SGCD: variants seen among roughly 807,000 people sequenced by gnomAD.
SGCD encodes the protein delta-sarcoglycan.
In SGCD, 18 loss-of-function variants were observed where a neutral mutation model predicts 36.6. That is an observed-to-expected ratio of 0.49 (90% CI 0.34 to 0.73). The LOEUF (loss-of-function observed/expected upper bound fraction) is 0.73, where lower values mean the gene tolerates loss of function less well. SGCD is among the 30% of genes least tolerant of loss of function. The pLI, the probability that SGCD is intolerant of heterozygous loss-of-function variation, is 0.01. For missense variants in SGCD, 387 were observed against 346.7 expected (o/e 1.12, Z -0.92); for synonymous variants, 133 against 130.6 (o/e 1.02, Z -0.12).
the SGCD span, among the ~76,000 whole-genome samples, chr5:155,731,390 G>A: frequency 6.6e-6 from 1 of 151,730 alleles, no homozygotes; most frequent in Non-Finnish European, 1.5e-5. Flanking sequence ...GGAAAGAGAG[G>A]TGCCCTGAAG....
At chr5:156,337,693 A>G (rs1768430620) in intron 2 of SGCD, among the ~76,000 whole-genome samples, 1 of 152,138 alleles carries the variant, frequency 6.6e-6, no homozygotes, top group Non-Finnish European at 1.5e-5. Context: ...TAGGGGTTTC[A>G]TTATTGTCCA....
intron 2 of SGCD, 93 bp downstream of exon 2, chr5:156,329,672 A>G: frequency 8.9e-7 from 1 of 1,120,572 alleles, no homozygotes; most frequent in Non-Finnish European, 1.3e-6. Flanking sequence ...ACAAAGTGTT[A>G]TATATGCCTT....
At chr5:155,755,819 T>C in the SGCD span, among the ~76,000 whole-genome samples, 2 of 152,304 alleles carry the variant, frequency 1.3e-5, no homozygotes, top group East Asian at 3.9e-4. Flanking sequence ...TGTTAATGTT[T>C]ATGGTCCTGT....
At chr5:155,895,213 T>G (rs1166484210) in intron 1 of SGCD, among the ~76,000 whole-genome samples, 3 of 152,234 alleles carry the variant, frequency 2.0e-5, no homozygotes, top group Non-Finnish European at 4.4e-5. Context: ...GAAATCGTAC[T>G]TTCCACAAGT....
At chr5:156,009,318 G>A (rs147520301) in intron 1 of SGCD, among the ~76,000 whole-genome samples, 69 of 152,220 alleles carry the variant, frequency 4.5e-4, no homozygotes, top group Non-Finnish European at 9.0e-4. Flanking sequence ...CCGTGTCCCC[G>A]CCCCTTAATT....
Position 156,759,638 on chromosome 5 carries a change from C to T in SGCD, c.*248C>T, listed in dbSNP as rs1757462986. 1 of 154,186 alleles carries T rather than the reference C, an allele frequency of 6.5e-6. No individual in the cohort carries two copies. The highest frequency in any genetic ancestry group is 2.4e-5 in the African/African-American group (1 of 41,212). 9.6% of individuals were successfully genotyped at this position (154,186 alleles called of 1,614,324 possible). A position where few individuals can be genotyped will look rare whatever the true frequency, so the allele number is the denominator to read the frequency against. Reference sequence around the variant, plus strand: ...CAGTACAAAAGGAACCATGGGTGACCCTGCGATATCCACTGTCATTTTCCA... The same window carrying T: ...CAGTACAAAAGGAACCATGGGTGACTCTGCGATATCCACTGTCATTTTCCA... On this transcript the variant is annotated 3_prime_UTR_variant, in exon 9 of 9. Transcript: ENST00000337851.
intron 1 of SGCD, among the ~76,000 whole-genome samples, chr5:155,939,003 A>G (rs1404369959): frequency 3.3e-5 from 5 of 152,234 alleles, no homozygotes; most frequent in Admixed American, 2.0e-4. Context: ...CATTGTCAAC[A>G]TGCTGTAGCA....
At chr5:156,660,024 G>T (rs1258927882) in intron 7 of SGCD, among the ~76,000 whole-genome samples, 4 of 148,064 alleles carry the variant, frequency 2.7e-5, no homozygotes, top group Admixed American at 6.7e-5. Context: ...TGTATTTTTT[G>T]ATTCTTTGGG....
At chr5:156,648,351 C>T (rs892291936) in intron 7 of SGCD, among the ~76,000 whole-genome samples, 6 of 151,424 alleles carry the variant, frequency 4.0e-5, no homozygotes, top group Non-Finnish European at 7.4e-5. Context: ...TCATGATAGA[C>T]ACCAACCATA....
In SGCD at chr5:156,486,257, T is replaced by C. The variant is rs1313363766; in HGVS notation, c.193-22344T>C. Among the ~76,000 whole-genome samples the C allele has an allele frequency of 2.6e-5, 4 of 151,912 alleles. No individual in the cohort carries two copies. The East Asian group carries it at 7.8e-4, about 30-fold the overall frequency. ...AGTGGTGCATCTAGATCTTCAGAACTCTATCACACATGATGTCCCTACTCC... is the reference window on the plus strand; with the variant it reads ...AGTGGTGCATCTAGATCTTCAGAACCCTATCACACATGATGTCCCTACTCC... On this transcript the variant is annotated intron_variant, in intron 3 of 8. Coordinates refer to ENST00000337851, the MANE Select transcript of SGCD (RefSeq NM_000337.6).
chr5:156,173,470 C>T (rs1763389703), intron 3 of SGCD, among the ~76,000 whole-genome samples: 1 of 151,902 alleles, frequency 6.6e-6, no homozygotes, highest in Admixed American at 6.6e-5. Flanking sequence ...AACAGCTATT[C>T]AACTGAAAGG....
chr5:156,572,309 T>C (rs972051053), intron 4 of SGCD, among the ~76,000 whole-genome samples: 1 of 152,206 alleles, frequency 6.6e-6, no homozygotes, highest in Non-Finnish European at 1.5e-5. Context: ...GCTTAACTTA[T>C]TGAGGAACTG....
chr5:155,896,969 C>T (rs1442242762), intron 1 of SGCD, among the ~76,000 whole-genome samples: 1 of 152,160 alleles, frequency 6.6e-6, no homozygotes, highest in Non-Finnish European at 1.5e-5. Flanking sequence ...AGCAAAACCA[C>T]TTATTGGCAT....
At chr5:156,535,616 G>C (rs1758072699) in intron 4 of SGCD, among the ~76,000 whole-genome samples, 1 of 152,162 alleles carries the variant, frequency 6.6e-6, no homozygotes, top group South Asian at 2.1e-4. Flanking sequence ...TTAATCATGA[G>C]AGTGCTTTCC....
At chr5:156,260,139 G>A (rs755923620) in intron 3 of SGCD, among the ~76,000 whole-genome samples, 91 of 152,088 alleles carry the variant, frequency 6.0e-4, no homozygotes, top group Admixed American at 2.6e-3. Context: ...ATATCATGTG[G>A]TCTTGATTAT....
chr5:155,912,832 A>G (rs553193576), intron 1 of SGCD, among the ~76,000 whole-genome samples: 9 of 151,116 alleles, frequency 6.0e-5, no homozygotes, highest in Admixed American at 4.6e-4. Context: ...TTATATTTCT[A>G]GTTTTCTTAT....
At chr5:156,290,780 TA>T (rs1320687192) in intron 3 of SGCD, among the ~76,000 whole-genome samples, 7 of 152,086 alleles carry the variant, frequency 4.6e-5, no homozygotes, top group African/African-American at 1.7e-4. Flanking sequence ...GAGATGAATA[TA>T]AAAAATGGAA....
chr5:156,067,748 C>G (rs1432506364), intron 1 of SGCD, among the ~76,000 whole-genome samples: 1 of 134,850 alleles, frequency 7.4e-6, no homozygotes. Flanking sequence ...AAAGGGAACT[C>G]CCTGACCCCT....
chr5:155,969,087 G>A (rs1757958978), intron 1 of SGCD, among the ~76,000 whole-genome samples: 1 of 152,068 alleles, frequency 6.6e-6, no homozygotes, highest in Non-Finnish European at 1.5e-5. Context: ...AGTTACATTA[G>A]TTTACTCTTA....
Sources: gnomAD v4.1 joint callset for allele counts (sites outside exome capture counted in the v4.1 genomes callset) on GRCh38, gnomAD v4.1.1 for gene constraint, MANE v1.5 for transcripts, NCBI Gene and HGNC (gene_info 2026-07-23, HGNC 2026-07-21) for gene names.